Variants in CUL3 observed in about 807,000 individuals in gnomAD.
The protein encoded by CUL3 is cullin-3.
CUL3 carries 19 observed loss-of-function variants against 89.1 expected under a neutral mutation model. The observed-to-expected ratio is 0.21, with a 90% CI of 0.15 to 0.31. The LOEUF (loss-of-function observed/expected upper bound fraction) is 0.31. Among genes scored for constraint, CUL3 ranks in the 10% least tolerant of loss-of-function variants. The pLI, the probability that CUL3 is intolerant of heterozygous loss-of-function variation, is 1.00. For synonymous variants in CUL3, 351 were observed against 308.4 expected, an observed-to-expected ratio of 1.14 and a Z score of -1.45; for missense variants, 469 against 942.3, an observed-to-expected ratio of 0.50 and a Z score of 6.58.
At chr2:224,541,263 T>C (rs766707899) in intron 2 of CUL3, among the ~76,000 whole-genome samples, 1 of 150,658 alleles carries the variant, frequency 6.6e-6, no homozygotes, top group Non-Finnish European at 1.5e-5. Flanking sequence ...CAGCAAATAA[T>C]TTAAAAATGA....
At chr2:224,524,128 G>T (rs944681545) in intron 3 of CUL3, among the ~76,000 whole-genome samples, 4 of 152,036 alleles carry the variant, frequency 2.6e-5, no homozygotes, top group Non-Finnish European at 5.9e-5. Flanking sequence ...AAAGCATCAA[G>T]AGTAACAAAG....
At chr2:224,478,167 T>C (rs1339092501) in intron 15 of CUL3, 33 bp downstream of exon 15, 4 of 1,526,030 alleles carry the variant, frequency 2.6e-6, no homozygotes, top group Non-Finnish European at 3.5e-6. Context: ...TTACTGTTTT[T>C]TCTATATTAG....
chr2:224,567,372 C>T (rs1296964724), intron 1 of CUL3, among the ~76,000 whole-genome samples: 3 of 152,284 alleles, frequency 2.0e-5, no homozygotes, highest in African/African-American at 4.8e-5. Context: ...TGTGTGCCAC[C>T]ATGCGTGGCT....
At chr2:224,514,382 A>C (rs762402330) in intron 4 of CUL3, among the ~76,000 whole-genome samples, 1 of 152,216 alleles carries the variant, frequency 6.6e-6, no homozygotes, top group Non-Finnish European at 1.5e-5. Flanking sequence ...CGGCTAGCTG[A>C]AAAGCATATT....
chr2:224,526,103 T>A (rs1693463640), intron 3 of CUL3, among the ~76,000 whole-genome samples: 1 of 152,186 alleles, frequency 6.6e-6, no homozygotes, highest in Non-Finnish European at 1.5e-5. Flanking sequence ...AGATCTCTTG[T>A]CCAATAATTT....
chr2:224,475,552 T>C lies in CUL3; in HGVS notation c.2176-1176A>G, dbSNP rs193233769. ...AAAGCCACAATGGATTGATAATTCTTTGGAATCTGAAAATTCAGCACTTCA... is the reference window on the plus strand; with the variant it reads ...AAAGCCACAATGGATTGATAATTCTCTGGAATCTGAAAATTCAGCACTTCA... On this transcript the variant is annotated intron_variant, in intron 15 of 15. Transcript: ENST00000264414. Among the ~76,000 whole-genome samples the C allele has an allele frequency of 5.3e-5, 8 of 152,318 alleles. No homozygotes were observed. The South Asian group carries it at 8.3e-4, about 16-fold the overall frequency.
intron 1 of CUL3, chr2:224,569,872 GA>G: frequency 7.8e-6 from 7 of 896,506 alleles, no homozygotes; most frequent in Non-Finnish European, 9.2e-6. Flanking sequence ...GTGAGAATTT[GA>G]AATTCCAGGC....
Position 224,513,448 on chromosome 2 carries a change from T to C in CUL3, c.654+76A>G, listed in dbSNP as rs571608107. 4.3e-4 allele frequency: 450 copies of C among 1,054,378 alleles called. 1 individual carries two copies. Among genetic ancestry groups the C allele is most frequent in the Non-Finnish European group, 5.7e-4 (413 of 725,156 alleles). 65.3% of individuals were successfully genotyped at this position (1,054,378 alleles called of 1,614,324 possible). A position where few individuals can be genotyped will look rare whatever the true frequency, so the allele number is the denominator to read the frequency against. On this transcript the variant is annotated intron_variant, in intron 5 of 15. Transcript: ENST00000264414. ...GGGTCTCAGTTAAAAAAGGTCAAAA[T>C]AGTTAAATTAGTAACTATATTAAAT...
At chr2:224,484,697 C>T (rs531991533) in intron 13 of CUL3, among the ~76,000 whole-genome samples, 7 of 152,168 alleles carry the variant, frequency 4.6e-5, no homozygotes, top group African/African-American at 1.7e-4. Flanking sequence ...TAGATTTGCA[C>T]TTATATTTAG....
chr2:224,503,126 A>G (rs1402741392), intron 9 of CUL3, 54 bp from the exon 10 acceptor site: 1 of 1,062,924 alleles, frequency 9.4e-7, no homozygotes, highest in Non-Finnish European at 1.4e-6. Context: ...TTTCTATGAG[A>G]AAGTACAGAA....
At chr2:224,543,227 G>C (rs1364633745) in intron 2 of CUL3, among the ~76,000 whole-genome samples, 1 of 152,002 alleles carries the variant, frequency 6.6e-6, no homozygotes, top group African/African-American at 2.4e-5. Flanking sequence ...GGACTTCCTT[G>C]GTAAACAAGT....
chr2:224,532,154 C>A (rs1420536536), intron 3 of CUL3, among the ~76,000 whole-genome samples: 4 of 152,122 alleles, frequency 2.6e-5, no homozygotes, highest in Admixed American at 2.6e-4. Context: ...TAGACAAATG[C>A]ATATATGAGT....
chr2:224,570,765 T>C (rs1695165344), intron 1 of CUL3, among the ~76,000 whole-genome samples: 1 of 152,178 alleles, frequency 6.6e-6, no homozygotes, highest in Non-Finnish European at 1.5e-5. Flanking sequence ...AACAGTAACA[T>C]TCATAATGAG....
At chr2:224,552,178 C>T (rs937415216) in intron 2 of CUL3, among the ~76,000 whole-genome samples, 3 of 152,104 alleles carry the variant, frequency 2.0e-5, no homozygotes, top group Non-Finnish European at 4.4e-5. Context: ...ATATTCTAAA[C>T]GTCTTTAAAT....
At position 224,513,506 on chromosome 2, in the gene CUL3, T is replaced by C; in HGVS notation, c.654+18A>G. On this transcript the variant is annotated intron_variant, in intron 5 of 15. Coordinates refer to ENST00000264414, the MANE Select transcript of CUL3 (RefSeq NM_003590.5). Reference sequence around the variant, plus strand: ...AGAACATCTTAAAAGATTATTTATTTACATTTTCACGGATTACCTGAAAAA... The same window carrying C: ...AGAACATCTTAAAAGATTATTTATTCACATTTTCACGGATTACCTGAAAAA... 7.4e-7 allele frequency: 1 copy of C among 1,358,984 alleles called. No homozygotes were observed. Among genetic ancestry groups the C allele is most frequent in the East Asian group, 2.3e-5 (1 of 43,498 alleles). 84.2% of individuals were successfully genotyped at this position (1,358,984 alleles called of 1,614,324 possible). A position where few individuals can be genotyped will look rare whatever the true frequency, so the allele number is the denominator to read the frequency against.
intron 1 of CUL3, 46 bp from the exon 2 acceptor site, chr2:224,557,902 A>AG (rs1559221667): frequency 9.1e-7 from 1 of 1,099,334 alleles, no homozygotes; most frequent in African/African-American, 1.6e-5. Flanking sequence ...AAAAAAAAAA[A>AG]AAACCAATGG....
chr2:224,560,324 T>A (rs1272287661), intron 1 of CUL3: 1 of 152,174 alleles, frequency 6.6e-6, no homozygotes, highest in Non-Finnish European at 1.5e-5. Context: ...CTCATGGTTT[T>A]AAATCAATCT....
intron 1 of CUL3, among the ~76,000 whole-genome samples, chr2:224,576,687 AG>A (rs55945819): frequency 0.26 from 31,324 of 120,926 alleles, 3,802 homozygotes; most frequent in Middle Eastern, 0.32. Context: ...GTGAAAAAAA[AG>A]GGGGGGGGGG....
intron 13 of CUL3, among the ~76,000 whole-genome samples, chr2:224,489,465 GACAA>G (rs1691869361): frequency 6.6e-6 from 1 of 152,164 alleles, no homozygotes; most frequent in African/African-American, 2.4e-5. Context: ...ACCAATAATA[GACAA>G]ACAGCCAAAT....
Sources: allele counts gnomAD v4.1 joint callset (sites outside exome capture counted in the v4.1 genomes callset), GRCh38; gene constraint gnomAD v4.1.1; transcripts MANE v1.5; gene names NCBI Gene and HGNC (gene_info 2026-07-23, HGNC 2026-07-21).